The following STK31 variants were observed in gnomAD, a reference collection of about 807,000 sequenced individuals.
STK31 encodes serine/threonine kinase 31, also known as serine/threonine-protein kinase 31.
A neutral mutation model predicts 129.7 loss-of-function variants in STK31; 89 were observed. The ratio of observed to expected loss-of-function variants is 0.69; its 90% CI spans 0.58 to 0.82. STK31 has a LOEUF of 0.82. STK31 is among the 40% of genes least tolerant of loss of function. The pLI is 0.00. For synonymous variants in STK31, 448 were observed against 395.3 expected, an observed-to-expected ratio of 1.13 and a Z score of -1.58; for missense variants, 1,187 against 1,176.4, an observed-to-expected ratio of 1.01 and a Z score of -0.13.
chr7:23,735,512 C>A, intron 6 of STK31, 26 bp from the exon 7 acceptor site: 1 of 1,534,616 alleles, frequency 6.5e-7, no homozygotes, highest in Non-Finnish European at 8.8e-7. Flanking sequence ...GTTGGTGTAG[C>A]TGGTTTATGT....
In STK31 at chr7:23,735,764, A is replaced by G. The variant is rs761756304; in HGVS notation, c.710A>G (p.Lys237Arg). 9.3e-6 allele frequency: 15 copies of G among 1,614,040 alleles called. No individual in the cohort carries two copies. Among genetic ancestry groups the G allele is most frequent in the Non-Finnish European group, 1.3e-5 (15 of 1,180,026 alleles). The change falls in exon 7 of 24, where the codon AAA (lysine) becomes AGA (arginine). Residue 237 changes from lysine (K) to arginine (R), a missense_variant. By Grantham distance (26) the Lys-to-Arg change is conservative (BLOSUM62 2). Around this residue, in one of 5 missense-constraint regions of STK31, gnomAD observed 975 missense variants for 934.9 expected, o/e 1.04. Coordinates refer to ENST00000355870, the MANE Select transcript of STK31 (RefSeq NM_031414.5). ...DPGQLVLRNLKSPIPLWGHRS... is the reference protein window; with the variant it reads ...DPGQLVLRNLRSPIPLWGHRS... The stretch of plus-strand genomic sequence containing the variant: ...GGTCAACTTGTTCTCAGGAACCTCA[A>G]AAGCCCCATTCCTTTGTGGGGGCAT...
At chr7:23,732,408 A>G (rs533111710) in intron 6 of STK31, among the ~76,000 whole-genome samples, 23 of 152,236 alleles carry the variant, frequency 1.5e-4, no homozygotes, top group Non-Finnish European at 2.8e-4. Flanking sequence ...TGTATTATAT[A>G]TAAAGAGAAA....
chr7:23,799,290 C>G (rs1792215985), intron 22 of STK31, among the ~76,000 whole-genome samples: 1 of 152,152 alleles, frequency 6.6e-6, no homozygotes, highest in African/African-American at 2.4e-5. Flanking sequence ...CAAGACAATC[C>G]TAAGCAGAAA....
intron 8 of STK31, among the ~76,000 whole-genome samples, chr7:23,743,143 G>A (rs1284716172): frequency 1.3e-5 from 2 of 148,996 alleles, no homozygotes; most frequent in Non-Finnish European, 3.0e-5. Context: ...TAGTAGAAAC[G>A]GGGTTTCACC....
intron 6 of STK31, among the ~76,000 whole-genome samples, chr7:23,732,767 G>T (rs1787508504): frequency 6.6e-6 from 1 of 152,120 alleles, no homozygotes; most frequent in Non-Finnish European, 1.5e-5. Context: ...CAAAGACAGG[G>T]TTTCTTGAAA....
Position 23,769,059 on chromosome 7 carries a change from T to TA in STK31, c.1482dup (p.Leu495ThrfsTer2). ...AAAGAAGGAGCAAATTCTGATGAAATACTTAAAAAATTTTATGACTGGAAG... is the reference window on the plus strand; with the variant it reads ...AAAGAAGGAGCAAATTCTGATGAAATAACTTAAAAAATTTTATGACTGGAAG... On this transcript the variant is annotated frameshift_variant, in exon 12 of 24. Coordinates refer to ENST00000355870, the MANE Select transcript of STK31 (RefSeq NM_031414.5). LOFTEE classifies it high-confidence loss of function. 6.2e-7 allele frequency: 1 copy of TA among 1,613,206 alleles called. No homozygotes were observed. The highest frequency in any genetic ancestry group is 8.5e-7 in the Non-Finnish European group (1 of 1,179,450).
chr7:23,740,117 A>G (rs1261488044), intron 8 of STK31, among the ~76,000 whole-genome samples: 3 of 151,902 alleles, frequency 2.0e-5, no homozygotes, highest in Non-Finnish European at 4.4e-5. Context: ...ATGGAATTGT[A>G]TTTTCTGTAC....
In STK31 at chr7:23,830,454, A is replaced by G. The variant is rs184799936; in HGVS notation, c.2830-1682A>G. Among the ~76,000 whole-genome samples the G allele has an allele frequency of 3.2e-4, 48 of 152,102 alleles. 1 individual carries two copies. Among genetic ancestry groups the G allele is most frequent in the South Asian group, 1.7e-3 (8 of 4,816 alleles). ...TTTTGTTATGTTGCTTTGATTTTCA[A>G]TTGTTCTAAGACATTTTCTTATTCC... On this transcript the variant is annotated intron_variant, in intron 23 of 23. Coordinates refer to ENST00000355870, the MANE Select transcript of STK31 (RefSeq NM_031414.5).
chr7:23,725,024 G>T (rs1786967485), intron 4 of STK31, among the ~76,000 whole-genome samples: 2 of 152,076 alleles, frequency 1.3e-5, no homozygotes, highest in African/African-American at 2.4e-5. Flanking sequence ...CCCTCCTAAG[G>T]AGCATTTTTA....
intron 22 of STK31, among the ~76,000 whole-genome samples, chr7:23,797,297 A>G (rs1355803305): frequency 6.6e-6 from 1 of 152,168 alleles, no homozygotes; most frequent in Non-Finnish European, 1.5e-5. Context: ...TCCACCCCAA[A>G]TCAACAGCGT....
At chr7:23,717,684 T>A (rs1786433064) in intron 4 of STK31, 105 bp downstream of exon 4, 1 of 836,158 alleles carries the variant, frequency 1.2e-6, no homozygotes, top group Non-Finnish European at 1.9e-6. Context: ...AAGAAGAGGC[T>A]GATTTTTGGA....
chr7:23,776,526 C>T (rs185735031), intron 15 of STK31, among the ~76,000 whole-genome samples: 25 of 152,214 alleles, frequency 1.6e-4, no homozygotes, highest in East Asian at 1.9e-4. Context: ...TTGGTCTATT[C>T]AGGGATTCGA....
At chr7:23,828,561 C>T (rs1191859598) in intron 23 of STK31, among the ~76,000 whole-genome samples, 1 of 152,222 alleles carries the variant, frequency 6.6e-6, no homozygotes, top group Non-Finnish European at 1.5e-5. Context: ...CGATGCCTCG[C>T]CCTGCTTCAG....
chr7:23,832,457 AG>A lies in STK31; in HGVS notation c.*92del. On this transcript the variant is annotated 3_prime_UTR_variant, in exon 24 of 24. Transcript: ENST00000355870. ...TCTAGAAATGTTCTGGGACTAGTTG[AG>A]TTGTATCTTTAGTATTCAGGTTGTG... The A allele has an allele frequency of 1.1e-6, 1 of 909,408 alleles. No individual in the cohort carries two copies. Among genetic ancestry groups the A allele is most frequent in the Non-Finnish European group, 1.7e-6 (1 of 588,690 alleles). The allele number at this position is 909,408 out of a possible 1,614,324, so 56.3% of individuals were successfully genotyped here.
chr7:23,801,937 C>A (rs758361268), intron 22 of STK31, among the ~76,000 whole-genome samples: 9 of 152,074 alleles, frequency 5.9e-5, no homozygotes, highest in Non-Finnish European at 1.2e-4. Flanking sequence ...GTTACTGTAT[C>A]TTTATAGTAT....
At chr7:23,808,169 A>ATATATTTT (rs10643943) in intron 22 of STK31, among the ~76,000 whole-genome samples, 9 of 146,384 alleles carry the variant, frequency 6.1e-5, no homozygotes, top group South Asian at 2.2e-4. Context: ...ATATATATAT[A>ATATATTTT]TTTTTTGTAG....
At chr7:23,714,764 G>A (rs78009084) in intron 3 of STK31, among the ~76,000 whole-genome samples, 2,577 of 152,134 alleles carry the variant, frequency 0.017, 30 homozygotes, top group Non-Finnish European at 0.025. Context: ...TGAATTTGGA[G>A]CAAATTCAAG....
At chr7:23,754,551 A>C in intron 10 of STK31, 77 bp downstream of exon 10, 1 of 1,466,414 alleles carries the variant, frequency 6.8e-7, no homozygotes, top group Non-Finnish European at 9.2e-7. Flanking sequence ...TCTTCTAAAA[A>C]AAATAACAGG....
chr7:23,797,701 T>G (rs10215363), intron 22 of STK31, among the ~76,000 whole-genome samples: 148,765 of 152,256 alleles, frequency 0.98, 72,794 homozygotes, highest in East Asian at 1. Context: ...AATTAAAAGA[T>G]CTACAGAAGC....
Sources: allele counts gnomAD v4.1 joint callset (sites outside exome capture counted in the v4.1 genomes callset), GRCh38; gene constraint gnomAD v4.1.1; regional missense constraint gnomAD v4.1.1; transcripts MANE v1.5; gene names NCBI Gene and HGNC (gene_info 2026-07-23, HGNC 2026-07-21).